BLTP3B: variants seen among roughly 807,000 people sequenced by gnomAD.
BLTP3B encodes the protein bridge-like lipid transfer protein family member 3B.
chr12:100,094,578 C>T, the BLTP3B span, among the ~76,000 whole-genome samples: 3 of 152,136 alleles, frequency 2.0e-5, no homozygotes, highest in Non-Finnish European at 2.9e-5. Flanking sequence ...AAGCCTAGGC[C>T]GGGCATGGTG....
At chr12:100,050,477 G>T in the BLTP3B span, among the ~76,000 whole-genome samples, 1 of 152,086 alleles carries the variant, frequency 6.6e-6, no homozygotes, top group African/African-American at 2.4e-5. Flanking sequence ...TTACATTATA[G>T]TGAAAACCTT....
At chr12:100,037,865 G>A in the BLTP3B span, 1 of 944,564 alleles carries the variant, frequency 1.1e-6, no homozygotes, top group South Asian at 2.0e-5. Flanking sequence ...AATGCCCATT[G>A]CTGGTGAGAG....
the BLTP3B span, among the ~76,000 whole-genome samples, chr12:100,122,709 T>C: frequency 9.2e-5 from 14 of 152,174 alleles, no homozygotes; most frequent in Non-Finnish European, 1.5e-4. Context: ...CCTTGAGCCA[T>C]AGTTTGCTCC....
the BLTP3B span, among the ~76,000 whole-genome samples, chr12:100,142,241 G>A: frequency 6.6e-6 from 1 of 152,210 alleles, no homozygotes; most frequent in Non-Finnish European, 1.5e-5. Context: ...CCAGGCACTT[G>A]GGTGACGCCA....
chr12:100,079,588 G>C, the BLTP3B span, among the ~76,000 whole-genome samples: 2 of 152,242 alleles, frequency 1.3e-5, no homozygotes, highest in South Asian at 4.1e-4. Context: ...GAGTATAAAA[G>C]TTCAAAAAAT....
chr12:100,060,010 G>A, the BLTP3B span: 1 of 1,607,070 alleles, frequency 6.2e-7, no homozygotes, highest in African/African-American at 1.3e-5. Context: ...AAACTGTAGT[G>A]CATTCAGCTG....
the BLTP3B span, chr12:100,089,001 T>C: frequency 6.2e-7 from 1 of 1,612,328 alleles, no homozygotes; most frequent in Non-Finnish European, 8.5e-7. Context: ...AACATCAAAA[T>C]CATTGAATAG....
the BLTP3B span, among the ~76,000 whole-genome samples, chr12:100,106,465 A>G: frequency 2.0e-5 from 3 of 152,238 alleles, no homozygotes; most frequent in African/African-American, 7.2e-5. Context: ...AGCAACTTGA[A>G]AAGAACTGGA....
the BLTP3B span, among the ~76,000 whole-genome samples, chr12:100,115,850 C>A: frequency 6.6e-6 from 1 of 151,850 alleles, no homozygotes; most frequent in Non-Finnish European, 1.5e-5. Context: ...TGGTTTAAAA[C>A]CAAAAACCAA....
chr12:100,078,193 A>G, the BLTP3B span, among the ~76,000 whole-genome samples: 2 of 150,028 alleles, frequency 1.3e-5, no homozygotes, highest in Non-Finnish European at 3.0e-5. Context: ...CACAACAGTG[A>G]GTTCTCATAA....
At chr12:100,061,104 C>T in the BLTP3B span, among the ~76,000 whole-genome samples, 3 of 152,178 alleles carry the variant, frequency 2.0e-5, no homozygotes, top group East Asian at 5.8e-4. Flanking sequence ...AGAAAAATTA[C>T]AATTTAAGTC....
At chr12:100,089,138 C>T in the BLTP3B span, 29 of 1,391,018 alleles carry the variant, frequency 2.1e-5, no homozygotes, top group Non-Finnish European at 2.6e-5. Context: ...AATTTAAATA[C>T]TGGAAATTTC....
chr12:100,039,938 A>G, the BLTP3B span: 27 of 577,154 alleles, frequency 4.7e-5, no homozygotes, highest in Non-Finnish European at 6.7e-5. Context: ...CAGTAAAACC[A>G]AAAGCTTATT....
At chr12:100,052,825 G>A in the BLTP3B span, among the ~76,000 whole-genome samples, 6 of 124,658 alleles carry the variant, frequency 4.8e-5, no homozygotes, top group Admixed American at 9.6e-5. Flanking sequence ...ACAGAGTCTC[G>A]CTCTGTCACC....
At chr12:100,048,735 G>GAGAGAGAGAGAGA in the BLTP3B span, among the ~76,000 whole-genome samples, 5 of 119,550 alleles carry the variant, frequency 4.2e-5, no homozygotes, top group African/African-American at 1.7e-4. Context: ...GTAAGGGGGG[G>GAGAGAGAGAGAGA]GAGAGAGAGA....
the BLTP3B span, among the ~76,000 whole-genome samples, chr12:100,078,588 C>T: frequency 6.6e-6 from 1 of 152,030 alleles, no homozygotes; most frequent in African/African-American, 2.4e-5. Flanking sequence ...TACCAATTCA[C>T]CTAGAGATTG....
chr12:100,130,720 A>G, the BLTP3B span, among the ~76,000 whole-genome samples: 48 of 152,220 alleles, frequency 3.2e-4, no homozygotes, highest in Non-Finnish European at 4.9e-4. Flanking sequence ...GTTTGAGACC[A>G]GCCTGGTCAA....
chr12:100,037,531 G>A, the BLTP3B span: 2 of 1,542,364 alleles, frequency 1.3e-6, no homozygotes, highest in Non-Finnish European at 1.7e-6. Context: ...TTGTTTTATT[G>A]TCTTTTCATG....
the BLTP3B span, among the ~76,000 whole-genome samples, chr12:100,049,994 C>T: frequency 8.0e-4 from 122 of 152,264 alleles, no homozygotes; most frequent in African/African-American, 2.9e-3. Flanking sequence ...TAAGCTATGT[C>T]TTCCTATTGA....
Sources: gnomAD v4.1 joint callset for allele counts (sites outside exome capture counted in the v4.1 genomes callset) on GRCh38, gnomAD v4.1.1 for gene constraint, MANE v1.5 for transcripts, NCBI Gene and HGNC (gene_info 2026-07-23, HGNC 2026-07-21) for gene names.